The following ACTR3 variants were observed in gnomAD, a reference collection of about 807,000 sequenced individuals.
The protein encoded by ACTR3 is actin-related protein 3.
A neutral mutation model predicts 56.8 loss-of-function variants in ACTR3; 12 were observed. The ratio of observed to expected loss-of-function variants is 0.21; its 90% CI spans 0.14 to 0.34. ACTR3 has a LOEUF of 0.34. Among genes scored for constraint, ACTR3 ranks in the 10% least tolerant of loss-of-function variants. ACTR3 has a pLI of 1.00. For missense variants in ACTR3, 282 were observed against 512.5 expected, an observed-to-expected ratio of 0.55 and a Z score of 4.34; for synonymous variants, 162 against 167.4, an observed-to-expected ratio of 0.97 and a Z score of 0.25.
chr2:113,942,560 G>A (rs1478313835), intron 8 of ACTR3, among the ~76,000 whole-genome samples: 1 of 151,892 alleles, frequency 6.6e-6, no homozygotes, highest in African/African-American at 2.4e-5. Flanking sequence ...GCTATTTTTT[G>A]CAGATTTAGA....
At chr2:113,913,957 T>A (rs1471202152) in intron 2 of ACTR3, among the ~76,000 whole-genome samples, 1 of 152,222 alleles carries the variant, frequency 6.6e-6, no homozygotes, top group East Asian at 1.9e-4. Context: ...TCTGATCTAT[T>A]TGTCTTACAG....
chr2:113,931,905 C>A (rs749807088), intron 5 of ACTR3, among the ~76,000 whole-genome samples: 3 of 149,218 alleles, frequency 2.0e-5, no homozygotes, highest in Non-Finnish European at 4.5e-5. Context: ...TTTTTTTTTC[C>A]CTTGTAGCAG....
chr2:113,927,969 C>CGG (rs1679650599), intron 4 of ACTR3, among the ~76,000 whole-genome samples: 1 of 152,124 alleles, frequency 6.6e-6, no homozygotes, highest in Non-Finnish European at 1.5e-5. Flanking sequence ...CAAACATTTT[C>CGG]AATTTTAACA....
chr2:113,906,224 T>C (rs1004904579), intron 1 of ACTR3, among the ~76,000 whole-genome samples: 1 of 152,190 alleles, frequency 6.6e-6, no homozygotes, highest in Non-Finnish European at 1.5e-5. Context: ...TTGATTTGCA[T>C]TTTCTTTATT....
chr2:113,907,976 C>CCA (rs1491511408), intron 1 of ACTR3, among the ~76,000 whole-genome samples: 30 of 69,076 alleles, frequency 4.3e-4, no homozygotes, highest in Admixed American at 6.6e-4. Flanking sequence ...CTCTGTCCCC[C>CCA]AAAAAAAAAA....
At chr2:113,935,100 T>A (rs1250403036) in intron 6 of ACTR3, among the ~76,000 whole-genome samples, 1 of 152,088 alleles carries the variant, frequency 6.6e-6, no homozygotes, top group African/African-American at 2.4e-5. Flanking sequence ...AAAGATTACA[T>A]CCTCAGGGTG....
chr2:113,895,842 T>C (rs1182453292), intron 1 of ACTR3, among the ~76,000 whole-genome samples: 1 of 152,182 alleles, frequency 6.6e-6, no homozygotes, highest in Non-Finnish European at 1.5e-5. Flanking sequence ...AATTTGGAGA[T>C]GATAGTGTAT....
In ACTR3 at chr2:113,957,341, A is replaced by T; in HGVS notation, c.1162-19A>T. The T allele has an allele frequency of 6.3e-7, 1 of 1,584,370 alleles. No homozygotes were observed. Among genetic ancestry groups the T allele is most frequent in the Non-Finnish European group, 8.7e-7 (1 of 1,153,482 alleles). ...GTAGATTTTTGACCCTTATAAAAAT[A>T]CATATTTTTTGTTTTCAGCCTGAGT... On this transcript the variant is annotated intron_variant, in intron 11 of 11. Transcript: ENST00000263238.
At chr2:113,932,096 TTTC>T (rs1679734215) in intron 5 of ACTR3, among the ~76,000 whole-genome samples, 1 of 152,214 alleles carries the variant, frequency 6.6e-6, no homozygotes, top group Non-Finnish European at 1.5e-5. Flanking sequence ...GACTTTGCTC[TTTC>T]TTGGGATCAC....
chr2:113,923,732 CT>C (rs35354751), intron 3 of ACTR3, among the ~76,000 whole-genome samples: 27,113 of 142,028 alleles, frequency 0.19, 2,821 homozygotes, highest in African/African-American at 0.3. Context: ...TTCAGTTCTC[CT>C]TTTTTTTTTT....
intron 6 of ACTR3, among the ~76,000 whole-genome samples, chr2:113,936,621 G>C (rs547465150): frequency 6.6e-6 from 1 of 152,224 alleles, no homozygotes; most frequent in South Asian, 2.1e-4. Flanking sequence ...TATATGTTGT[G>C]AACTCAATAA....
At chr2:113,916,775 G>A in intron 2 of ACTR3, 109 bp from the exon 3 acceptor site, 1 of 868,032 alleles carries the variant, frequency 1.2e-6, no homozygotes, top group East Asian at 3.2e-5. Flanking sequence ...ATTTAAATAG[G>A]CTAGGTCATG....
chr2:113,892,320 A>C (rs1320376497), intron 1 of ACTR3, among the ~76,000 whole-genome samples: 1 of 152,240 alleles, frequency 6.6e-6, no homozygotes, highest in Non-Finnish European at 1.5e-5. Flanking sequence ...TACGATTATC[A>C]CAATAGTGTA....
chr2:113,890,070 G>C, upstream of ACTR3: 1 of 614,678 alleles, frequency 1.6e-6, no homozygotes, highest in Non-Finnish European at 2.9e-6. Flanking sequence ...GGCAGGGCGG[G>C]GACTGCCTGC....
chr2:113,894,566 C>T (rs1444150052), intron 1 of ACTR3, among the ~76,000 whole-genome samples: 10 of 152,088 alleles, frequency 6.6e-5, no homozygotes, highest in Non-Finnish European at 2.9e-5. Flanking sequence ...TTAGACTTAG[C>T]GAAAGACTCT....
chr2:113,900,574 T>G (rs1261084894), intron 1 of ACTR3, among the ~76,000 whole-genome samples: 1 of 152,154 alleles, frequency 6.6e-6, no homozygotes, highest in Non-Finnish European at 1.5e-5. Flanking sequence ...GGGAAGGAAA[T>G]GTTTACCAAA....
chr2:113,935,049 T>G (rs1020047960), intron 6 of ACTR3, among the ~76,000 whole-genome samples: 1 of 151,924 alleles, frequency 6.6e-6, no homozygotes, highest in Non-Finnish European at 1.5e-5. Context: ...TTTTTTTTTT[T>G]ATTCTCACTC....
At position 113,913,059 on chromosome 2, in the gene ACTR3, G is replaced by T. The variant is rs570793369; in HGVS notation, c.45-113G>T. 79 of 635,572 alleles carry T rather than the reference G, an allele frequency of 1.2e-4. No individual in the cohort carries two copies. In the African/African-American group the frequency reaches 1.4e-3, roughly 11 times the overall value. The allele number at this position is 635,572 out of a possible 1,614,324, so 39.4% of individuals were successfully genotyped here. A position where few individuals can be genotyped will look rare whatever the true frequency, so the allele number is the denominator to read the frequency against. The stretch of plus-strand genomic sequence containing the variant: ...AAATGAAGTGAAACTATGGAATTTG[G>T]TATATTATTTACCTACGATGGAATC... On this transcript the variant is annotated intron_variant, in intron 1 of 11. Transcript: ENST00000263238.
chr2:113,927,489 T>G, intron 4 of ACTR3, 34 bp downstream of exon 4: 1 of 1,378,692 alleles, frequency 7.3e-7, no homozygotes, highest in Non-Finnish European at 1.0e-6. Context: ...CTGAGGAAAT[T>G]TTTGAATACA....
Sources: gnomAD v4.1 joint callset for allele counts (sites outside exome capture counted in the v4.1 genomes callset) on GRCh38, gnomAD v4.1.1 for gene constraint, MANE v1.5 for transcripts, NCBI Gene and HGNC (gene_info 2026-07-23, HGNC 2026-07-21) for gene names.